CPVL: variants seen among roughly 807,000 people sequenced by gnomAD.
CPVL encodes the protein carboxypeptidase vitellogenic like.
CPVL carries 51 observed loss-of-function variants against 63.7 expected under a neutral mutation model. The observed-to-expected ratio is 0.80, with a 90% confidence interval of 0.64 to 1.01. The LOEUF (loss-of-function observed/expected upper bound fraction) is 1.01, where lower values mean the gene tolerates loss of function less well. Ranked by LOEUF, CPVL falls within the 50% of genes least tolerant of loss-of-function variation. The probability of loss-of-function intolerance (pLI) is 0.00; values close to 1 mark genes in which losing one functional copy is unlikely to be tolerated. For synonymous variants in CPVL, 195 were observed against 206.0 expected (o/e 0.95, Z 0.46); for missense variants, 530 against 573.1 (o/e 0.92, Z 0.77).
At chr7:29,138,435 G>A (rs974701781) in intron 1 of CPVL, among the ~76,000 whole-genome samples, 1 of 152,086 alleles carries the variant, frequency 6.6e-6, no homozygotes, top group Non-Finnish European at 1.5e-5. Flanking sequence ...GCGAGACTAC[G>A]TCTCCAAATA....
intron 11 of CPVL, among the ~76,000 whole-genome samples, chr7:29,040,073 TC>T (rs200415589): frequency 9.6e-5 from 14 of 146,142 alleles, no homozygotes; most frequent in African/African-American, 3.5e-4. Flanking sequence ...TGTTCACTAA[TC>T]CAAAAAAAAA....
At chr7:29,085,436 T>A (rs1040330162) in intron 7 of CPVL, among the ~76,000 whole-genome samples, 1 of 152,192 alleles carries the variant, frequency 6.6e-6, no homozygotes, top group African/African-American at 2.4e-5. Context: ...GTACTATTTT[T>A]AAATGTAAGT....
At chr7:29,088,748 G>A (rs948128091) in intron 6 of CPVL, among the ~76,000 whole-genome samples, 1 of 152,076 alleles carries the variant, frequency 6.6e-6, no homozygotes, top group Non-Finnish European at 1.5e-5. Context: ...AGGCCGAGGC[G>A]GGCAGATCAC....
intron 5 of CPVL, among the ~76,000 whole-genome samples, chr7:29,177,775 A>G (rs1005442445): frequency 2.6e-5 from 4 of 152,012 alleles, no homozygotes; most frequent in African/African-American, 9.7e-5. Flanking sequence ...CCATCTCATT[A>G]TGCTCCCACC....
intron 12 of CPVL, among the ~76,000 whole-genome samples, chr7:29,008,674 G>A (rs1023850575): frequency 2.6e-5 from 4 of 152,038 alleles, no homozygotes; most frequent in African/African-American, 4.8e-5. Flanking sequence ...TTTCTATGCC[G>A]AGCACTAGGA....
At chr7:29,146,552 A>C, upstream of CPVL, 1 of 1,530,188 alleles carries the variant, frequency 6.5e-7, no homozygotes, top group Non-Finnish European at 8.8e-7. Flanking sequence ...ACCCTGCAGA[A>C]CTCGAGCCTT....
intron 1 of CPVL, among the ~76,000 whole-genome samples, chr7:29,130,221 T>C (rs1288382988): frequency 2.0e-5 from 3 of 151,786 alleles, no homozygotes; most frequent in Non-Finnish European, 2.9e-5. Flanking sequence ...ACCCCAAGAG[T>C]TCTACTTTAA....
intron 12 of CPVL, among the ~76,000 whole-genome samples, chr7:29,008,237 GA>G (rs1184196225): frequency 6.6e-6 from 1 of 152,162 alleles, no homozygotes; most frequent in African/African-American, 2.4e-5. Flanking sequence ...GAGAGGGTAA[GA>G]GTTAAGGTTG....
chr7:29,010,602 C>T (rs1785721735), intron 12 of CPVL: 2 of 152,200 alleles, frequency 1.3e-5, no homozygotes, highest in Non-Finnish European at 2.9e-5. Context: ...CTGGATACAG[C>T]TGTGGTAGTT....
intron 1 of CPVL, chr7:29,193,618 A>T (rs529703042): frequency 1.3e-5 from 2 of 152,166 alleles, no homozygotes; most frequent in African/African-American, 2.4e-5. Context: ...AAACAGACTT[A>T]AAAAAAATCT....
intron 7 of CPVL, among the ~76,000 whole-genome samples, chr7:29,076,104 C>A (rs1016521859): frequency 4.6e-5 from 7 of 152,092 alleles, no homozygotes; most frequent in Admixed American, 4.6e-4. Context: ...TTTGCCTTTT[C>A]CTGTATATAT....
chr7:29,099,005 C>T (rs1207600154), intron 3 of CPVL, among the ~76,000 whole-genome samples: 4 of 151,982 alleles, frequency 2.6e-5, no homozygotes, highest in East Asian at 3.9e-4. Context: ...GCGGTCATTG[C>T]GGTGAGCCAA....
rs1036609185 is a variant in CPVL at position 29,072,194 on chromosome 7, G to A, written c.732+107C>T. The A allele has an allele frequency of 3.2e-6, 4 of 1,246,100 alleles. No homozygotes were observed. The African/African-American group carries it at 4.5e-5, about 14-fold the overall frequency. 77.2% of individuals were successfully genotyped at this position (1,246,100 alleles called of 1,614,324 possible). On this transcript the variant is annotated intron_variant, in intron 8 of 12. Coordinates refer to ENST00000265394, the MANE Select transcript of CPVL (RefSeq NM_031311.5). ...GAGATTTAAGTCATAAAGTCAACTGGTGTTTCCCTTATCAAAAGTTAGACC... is the reference window on the plus strand; with the variant it reads ...GAGATTTAAGTCATAAAGTCAACTGATGTTTCCCTTATCAAAAGTTAGACC...
At chr7:29,163,541 A>G (rs1261056612) in intron 5 of CPVL, among the ~76,000 whole-genome samples, 1 of 152,162 alleles carries the variant, frequency 6.6e-6, no homozygotes, top group Non-Finnish European at 1.5e-5. Context: ...AAGAGACAAT[A>G]TCCATTTTTT....
chr7:29,120,439 AACAAAC>A (rs1159789173), intron 2 of CPVL, among the ~76,000 whole-genome samples: 7 of 151,594 alleles, frequency 4.6e-5, no homozygotes, highest in African/African-American at 1.7e-4. Flanking sequence ...CAAACAAACA[AACAAAC>A]AAAATATATA....
chr7:29,107,859 T>C (rs1787872851), intron 3 of CPVL, among the ~76,000 whole-genome samples: 1 of 152,238 alleles, frequency 6.6e-6, no homozygotes, highest in South Asian at 2.1e-4. Context: ...TGCTGAAGTA[T>C]GGTGGGGCCT....
intron 4 of CPVL, 34 bp from the exon 5 acceptor site, chr7:29,095,176 C>A: frequency 6.3e-7 from 1 of 1,584,616 alleles, no homozygotes; most frequent in South Asian, 1.1e-5. Context: ...GAGATAGAGT[C>A]GTGGACAAGC....
At position 29,069,930 on chromosome 7, in the gene CPVL, G is replaced by A. The variant is rs945175567; in HGVS notation, c.864+1843C>T. On this transcript the variant is annotated intron_variant, in intron 9 of 12. Coordinates refer to ENST00000265394, the MANE Select transcript of CPVL (RefSeq NM_031311.5). ...TTAAATCATTTTAAAGGATCAGAGC[G>A]TCAAACAGGCTTTATCATTTTAGGC... Among the ~76,000 whole-genome samples, 7 of 152,168 alleles carry A rather than the reference G, an allele frequency of 4.6e-5. No homozygotes were observed. The South Asian group carries it at 8.3e-4, about 18-fold the overall frequency.
intron 4 of CPVL, among the ~76,000 whole-genome samples, chr7:29,182,653 A>T (rs932724878): frequency 8.5e-5 from 13 of 152,238 alleles, no homozygotes; most frequent in African/African-American, 3.1e-4. Context: ...ATGTCTAAAA[A>T]TACAAATTGA....
Sources: gnomAD v4.1 joint callset for allele counts (sites outside exome capture counted in the v4.1 genomes callset) on GRCh38, gnomAD v4.1.1 for gene constraint, MANE v1.5 for transcripts, NCBI Gene and HGNC (gene_info 2026-07-23, HGNC 2026-07-21) for gene names.